NOD1: variants seen among roughly 807,000 people sequenced by gnomAD.
The protein encoded by NOD1 is nucleotide binding oligomerization domain containing 1, also known as nucleotide-binding oligomerization domain-containing protein 1.
Under a neutral mutation model 81.2 loss-of-function variants are expected in NOD1, and 70 were observed. The observed-to-expected ratio is 0.86, with a 90% confidence interval of 0.71 to 1.05. The LOEUF (loss-of-function observed/expected upper bound fraction) is 1.05, where lower values mean the gene tolerates loss of function less well. Among genes scored for constraint, NOD1 ranks in the 50% least tolerant of loss-of-function variants. The probability of loss-of-function intolerance (pLI) is 0.00; values close to 1 mark genes in which losing one functional copy is unlikely to be tolerated. For synonymous variants in NOD1, 508 were observed against 526.9 expected (o/e 0.96, Z 0.49); for missense variants, 1,233 against 1,228.0 (o/e 1.00, Z -0.06).
Position 30,453,046 on chromosome 7 carries a change from G to T in NOD1, c.377-6C>A. On this transcript the variant is annotated splice_region_variant and splice_polypyrimidine_tract_variant and intron_variant, in intron 5 of 13. Transcript: ENST00000222823. The stretch of plus-strand genomic sequence containing the variant: ...CTGCTGGGTATACCTGCTCACTGGA[G>T]GGAGGGGGTGGCAGGGCACAGCAGC... 1 of 1,593,846 alleles carries T rather than the reference G, an allele frequency of 6.3e-7. No individual in the cohort carries two copies. Among genetic ancestry groups the T allele is most frequent in the South Asian group, 1.1e-5 (1 of 88,374 alleles).
chr7:30,446,614 C>G (rs1785115751), intron 8 of NOD1: 1 of 392,590 alleles, frequency 2.5e-6, no homozygotes, highest in Non-Finnish European at 4.6e-6. Context: ...GCACTGTCAC[C>G]CCCTGCGCAG....
At chr7:30,426,003 C>A (rs1783414646) in intron 13 of NOD1, among the ~76,000 whole-genome samples, 1 of 151,974 alleles carries the variant, frequency 6.6e-6, no homozygotes, top group Non-Finnish European at 1.5e-5. Flanking sequence ...TTTGGCTGTC[C>A]TGACCTCTCC....
intron 5 of NOD1, among the ~76,000 whole-genome samples, chr7:30,453,370 G>A (rs1487501088): frequency 1.3e-5 from 2 of 152,140 alleles, no homozygotes; most frequent in African/African-American, 2.4e-5. Context: ...GCTAAACACT[G>A]AAGCCCCTCG....
At chr7:30,463,015 G>A (rs1787292269) in intron 1 of NOD1, among the ~76,000 whole-genome samples, 1 of 151,416 alleles carries the variant, frequency 6.6e-6, no homozygotes, top group Non-Finnish European at 1.5e-5. Context: ...CAGATCAATG[G>A]TTTCCTGAGG....
rs1428457206 is a variant in NOD1 at position 30,424,763 on chromosome 7, A to G, written c.*875T>C. 6.6e-6 allele frequency: 1 copy of G among 152,268 alleles called. No individual in the cohort carries two copies. Among genetic ancestry groups the G allele is most frequent in the Non-Finnish European group, 1.5e-5 (1 of 68,096 alleles). 9.4% of individuals were successfully genotyped at this position (152,268 alleles called of 1,614,324 possible). On this transcript the variant is annotated 3_prime_UTR_variant, in exon 14 of 14. Coordinates refer to ENST00000222823, the MANE Select transcript of NOD1 (RefSeq NM_006092.4). ...CCCCTCTTCACGAGGTAAGGGAGAC[A>G]AAAGCAGCCATTTGGATGCCAGGGC...
intron 13 of NOD1, among the ~76,000 whole-genome samples, chr7:30,426,872 T>C (rs182059143): frequency 6.6e-6 from 1 of 152,278 alleles, no homozygotes; most frequent in East Asian, 1.9e-4. Flanking sequence ...CTCCTATTCA[T>C]CCTTCATGGC....
chr7:30,433,221 T>A, intron 11 of NOD1, 42 bp from the exon 12 acceptor site: 1 of 1,483,420 alleles, frequency 6.7e-7, no homozygotes, highest in Non-Finnish European at 9.4e-7. Flanking sequence ...AGAGCCTACT[T>A]GGCAGACATT....
chr7:30,454,223 A>T (rs1471356563), intron 5 of NOD1, among the ~76,000 whole-genome samples: 1 of 152,246 alleles, frequency 6.6e-6, no homozygotes, highest in African/African-American at 2.4e-5. Context: ...TTTAAAAGGC[A>T]GGACTTAGGT....
chr7:30,446,844 A>G (rs1159098626), intron 8 of NOD1, 123 bp downstream of exon 8: 2 of 766,666 alleles, frequency 2.6e-6, no homozygotes, highest in Non-Finnish European at 4.3e-6. Flanking sequence ...CTTGACCAAC[A>G]TGGCCCTGGG....
At chr7:30,466,362 C>A (rs1346431036) in intron 1 of NOD1, among the ~76,000 whole-genome samples, 1 of 151,732 alleles carries the variant, frequency 6.6e-6, no homozygotes, top group African/African-American at 2.4e-5. Flanking sequence ...TATCAATGTG[C>A]AATTTTTTTT....
chr7:30,465,140 C>T (rs1363560323), intron 1 of NOD1, among the ~76,000 whole-genome samples: 1 of 152,188 alleles, frequency 6.6e-6, no homozygotes, highest in Non-Finnish European at 1.5e-5. Context: ...CTTCCTTGGG[C>T]TCCAGCCAGC....
rs760265830 is a variant in NOD1, at chr7:30,455,266, A to T, written c.247T>A (p.Ser83Thr). The T allele has an allele frequency of 2.5e-6, 4 of 1,614,158 alleles. No homozygotes were observed. Among genetic ancestry groups the T allele is most frequent in the Non-Finnish European group, 3.4e-6 (4 of 1,180,036 alleles). Reference sequence around the variant, plus strand: ...TGGAGCAAGTAGAGGAAGAACTCGGACACCTCCTCGCCCTTGCTCTGTACC... The same window carrying T: ...TGGAGCAAGTAGAGGAAGAACTCGGTCACCTCCTCGCCCTTGCTCTGTACC... The part of the protein sequence containing the change: ...DLVQSKGEEV[S>T]EFFLYLLQQL... Residue 83 changes from serine to threonine, a missense_variant, in exon 5 of 14, where the codon TCC becomes ACC. Physicochemically the swap from Ser to Thr is moderately conservative, Grantham distance 58. Transcript: ENST00000222823.
At position 30,461,831 on chromosome 7, in the gene NOD1, C is replaced by G. The variant is rs56055493; in HGVS notation, c.-351-1790G>C. 2.1e-4 allele frequency among the ~76,000 whole-genome samples: 32 copies of G among 152,254 alleles called. No homozygotes were observed. The East Asian group carries it at 2.3e-3, about 11-fold the overall frequency. ...TTGGCCCACTGCAAGCTCCGCCTCC[C>G]GGGTTCACGCCATTCTCCTGCCTCA... On this transcript the variant is annotated intron_variant, in intron 1 of 13. Coordinates refer to ENST00000222823, the MANE Select transcript of NOD1 (RefSeq NM_006092.4).
intron 11 of NOD1, among the ~76,000 whole-genome samples, chr7:30,433,624 T>C (rs1311912221): frequency 6.6e-6 from 1 of 152,202 alleles, no homozygotes; most frequent in Non-Finnish European, 1.5e-5. Context: ...TTCAGTACTT[T>C]GCTCTCAGTT....
At chr7:30,446,530 AG>A (rs1393712387) in intron 8 of NOD1, 1 of 437,326 alleles carries the variant, frequency 2.3e-6, no homozygotes, top group African/African-American at 2.0e-5. Context: ...GAGACCTGGG[AG>A]GTCCCACTTT....
chr7:30,451,941 G>A lies in NOD1; in HGVS notation c.1476C>T (p.Asp492=). The A allele has an allele frequency of 1.2e-6, 2 of 1,613,580 alleles. No homozygotes were observed. The highest frequency in any genetic ancestry group is 1.7e-6 in the Non-Finnish European group (2 of 1,180,002). Residue 492 remains aspartate, a synonymous_variant, in exon 6 of 14, where the codon GAC becomes GAT. Transcript: ENST00000222823. This position sits in a 1 kb window ranked among gnomAD's most constrained non-coding sequence, Gnocchi z 4.2. ...EVQASGLQER[D]MQLGFLRALP... ...AAGCCCGCAGGAAGCCCAGCTGCAT[G>A]TCTCTCTCCTGCAGCCCGGAGGCCT... is the stretch of plus-strand genomic sequence containing the variant.
intron 9 of NOD1, among the ~76,000 whole-genome samples, chr7:30,445,852 CCAAAAGG>C (rs1274379812): frequency 6.6e-6 from 1 of 151,818 alleles, no homozygotes; most frequent in Non-Finnish European, 1.5e-5. Flanking sequence ...TCAGCCATCC[CCAAAAGG>C]CAAATACTGT....
chr7:30,448,514 C>T (rs1785354169), intron 6 of NOD1, 133 bp from the exon 7 acceptor site: 4 of 736,130 alleles, frequency 5.4e-6, no homozygotes, highest in Admixed American at 4.6e-5. Context: ...AGAATGGCCA[C>T]AGCAATCAGC....
chr7:30,460,981 G>A (rs1160721159), intron 1 of NOD1, among the ~76,000 whole-genome samples: 4 of 152,286 alleles, frequency 2.6e-5, no homozygotes, highest in South Asian at 2.1e-4. Context: ...GCAGGATGGC[G>A]GATCTTCAAA....
Sources: gnomAD v4.1 joint callset for allele counts (sites outside exome capture counted in the v4.1 genomes callset) on GRCh38, gnomAD v4.1.1 for gene constraint, Gnocchi (gnomAD v3.1) non-coding constraint, MANE v1.5 for transcripts, NCBI Gene and HGNC (gene_info 2026-07-23, HGNC 2026-07-21) for gene names.